RYR2: variants seen among roughly 807,000 people sequenced by gnomAD.
RYR2 encodes the protein ryanodine receptor 2.
In RYR2, 227 loss-of-function variants were observed where a neutral mutation model predicts 601.1. The observed-to-expected ratio is 0.38, with a 90% CI of 0.34 to 0.42. The LOEUF (loss-of-function observed/expected upper bound fraction) is 0.42, where lower values mean the gene tolerates loss of function less well. Ranked by LOEUF, RYR2 falls within the 10% of genes least tolerant of loss-of-function variation. The pLI is 1.00. For synonymous variants in RYR2, 2,223 were observed against 2,175.1 expected (o/e 1.02, Z -0.61); for missense variants, 4,646 against 6,156.5 (o/e 0.75, Z 8.21).
At chr1:237,128,168 C>T (rs1051804349) in intron 1 of RYR2, among the ~76,000 whole-genome samples, 8 of 152,302 alleles carry the variant, frequency 5.3e-5, no homozygotes, top group Admixed American at 2.0e-4. Context: ...GGATCACTTG[C>T]GGTTAGGGGC....
Position 237,610,060 on chromosome 1 carries a change from A to G in RYR2, c.4684-702A>G, listed in dbSNP as rs934134678. ...AGAAGATAATGCAGAAATATGAGAT[A>G]ATGGTTTTCTTATGGTCCCATAAGA... On this transcript the variant is annotated intron_variant, in intron 35 of 104. Coordinates refer to ENST00000366574, the MANE Select transcript of RYR2 (RefSeq NM_001035.3). This position sits in a 1 kb window ranked among gnomAD's most constrained non-coding sequence, Gnocchi z 4.9. 5.3e-5 allele frequency among the ~76,000 whole-genome samples: 8 copies of G among 152,046 alleles called. No individual in the cohort carries two copies. The highest frequency in any genetic ancestry group is 8.8e-5 in the Non-Finnish European group (6 of 68,028).
chr1:237,720,809 G>A (rs1347477054), intron 73 of RYR2, among the ~76,000 whole-genome samples: 2 of 152,142 alleles, frequency 1.3e-5, no homozygotes, highest in Non-Finnish European at 2.9e-5. Context: ...TCAAATAAAG[G>A]TGGTTATGAT....
At chr1:237,693,652 G>A (rs1687142491) in intron 63 of RYR2, among the ~76,000 whole-genome samples, 1 of 152,156 alleles carries the variant, frequency 6.6e-6, no homozygotes, top group Non-Finnish European at 1.5e-5. Context: ...ATATTATTAT[G>A]TGTTTAACAT....
chr1:237,500,881 G>A lies in RYR2; in HGVS notation c.2374G>A (p.Val792Ile), dbSNP rs764485892. The A allele has an allele frequency of 1.1e-5, 18 of 1,613,860 alleles. No individual in the cohort carries two copies. The Middle Eastern group carries it at 4.9e-4, about 44-fold the overall frequency. ...CATCGATGGCCTCTTCTTTCCAGTC[G>A]TTAGTTTCTCTGCAGGAATAAAGTT... The part of the protein sequence containing the change: ...FNIDGLFFPV[V>I]SFSAGIKVRF... The change falls in exon 21 of 105, where the codon GTT becomes ATT. Residue 792 changes from valine (V) to isoleucine (I), a missense_variant. By Grantham distance (29) the Val-to-Ile change is conservative. Transcript: ENST00000366574.
intron 21 of RYR2, among the ~76,000 whole-genome samples, chr1:237,502,125 C>A (rs1664704072): frequency 6.6e-6 from 1 of 151,990 alleles, no homozygotes; most frequent in Admixed American, 6.6e-5. Context: ...GTCACTGCAC[C>A]CCTGCCTGAA....
chr1:237,495,581 T>G (rs1257692085), intron 19 of RYR2, among the ~76,000 whole-genome samples: 1 of 152,256 alleles, frequency 6.6e-6, no homozygotes, highest in Non-Finnish European at 1.5e-5. Context: ...ACCTGCCGTT[T>G]ATGAGTGATA....
chr1:237,561,526 T>A (rs1388524388), intron 27 of RYR2, among the ~76,000 whole-genome samples: 1 of 152,152 alleles, frequency 6.6e-6, no homozygotes, highest in Non-Finnish European at 1.5e-5. Context: ...AGAAAGGCCA[T>A]CGCTACTAGA....
intron 24 of RYR2, among the ~76,000 whole-genome samples, chr1:237,521,116 A>T (rs1171356525): frequency 1.3e-5 from 2 of 152,122 alleles, no homozygotes; most frequent in Non-Finnish European, 2.9e-5. Context: ...CAGATGAATT[A>T]TACCTAACAT....
At chr1:237,492,932 TG>T in intron 18 of RYR2, 21 bp from the exon 19 acceptor site, 6 of 1,550,004 alleles carry the variant, frequency 3.9e-6, no homozygotes, top group Non-Finnish European at 5.2e-6. Flanking sequence ...GAGGATCAGC[TG>T]AAAGTAATTT....
chr1:237,659,484 A>G (rs1399203348), intron 54 of RYR2, among the ~76,000 whole-genome samples: 1 of 152,180 alleles, frequency 6.6e-6, no homozygotes, highest in Non-Finnish European at 1.5e-5. Context: ...AAGAATGGGT[A>G]AAACAGGTGG....
At chr1:237,662,655 C>T (rs987243240) in intron 56 of RYR2, among the ~76,000 whole-genome samples, 2 of 152,152 alleles carry the variant, frequency 1.3e-5, no homozygotes, top group African/African-American at 4.8e-5. Context: ...ACTCCTCTTT[C>T]TCTTTCTCCT....
intron 50 of RYR2, 70 bp downstream of exon 50, chr1:237,650,167 A>G (rs1200687577): frequency 1.4e-6 from 2 of 1,380,528 alleles, no homozygotes. Context: ...GCCTTTGACA[A>G]ATTATTTAGA....
chr1:237,296,254 G>A (rs1230311744), intron 2 of RYR2, among the ~76,000 whole-genome samples: 1 of 152,116 alleles, frequency 6.6e-6, no homozygotes, highest in Admixed American at 6.6e-5. Context: ...TGATTTTCAG[G>A]GACTTTGAAA....
chr1:237,756,987 A>G (rs1223871050), intron 81 of RYR2, among the ~76,000 whole-genome samples: 1 of 152,244 alleles, frequency 6.6e-6, no homozygotes, highest in African/African-American at 2.4e-5. Flanking sequence ...CTCAGTAGCC[A>G]GCTGTTTCAA....
chr1:237,754,020 A>C (rs1401424911), intron 80 of RYR2, among the ~76,000 whole-genome samples: 2 of 152,032 alleles, frequency 1.3e-5, no homozygotes, highest in African/African-American at 4.8e-5. Flanking sequence ...GGAAAGAAAT[A>C]ATATTAAAGA....
At chr1:237,832,054 A>G (rs1244017909) in intron 104 of RYR2, among the ~76,000 whole-genome samples, 2 of 152,018 alleles carry the variant, frequency 1.3e-5, no homozygotes, top group Non-Finnish European at 2.9e-5. Flanking sequence ...ACACACACAT[A>G]TATTTTTTGA....
At position 237,566,681 on chromosome 1, in the gene RYR2, C is replaced by T; in HGVS notation, c.3329C>T (p.Ala1110Val). ...TATTTTGAATTTGAGACGGTCACTG[C>T]TGGAGACATGAGGGTTGGTTGGAGT... ...RWYFEFETVT[A>V]GDMRVGWSRP... The change falls in exon 28 of 105, where the codon GCT (alanine) becomes GTT (valine). Residue 1110 changes from alanine (A) to valine (V), a missense_variant. Physicochemically the swap from Ala to Val is moderately conservative, Grantham distance 64 (BLOSUM62 0). Coordinates refer to ENST00000366574, the MANE Select transcript of RYR2 (RefSeq NM_001035.3). The T allele has an allele frequency of 1.2e-6, 2 of 1,613,968 alleles. No individual in the cohort carries two copies. The highest frequency in any genetic ancestry group is 1.7e-6 in the Non-Finnish European group (2 of 1,179,878).
intron 1 of RYR2, among the ~76,000 whole-genome samples, chr1:237,061,551 C>T (rs1662896275): frequency 5.3e-5 from 8 of 152,182 alleles, no homozygotes; most frequent in Admixed American, 5.2e-4. Context: ...GCTTCAAGTG[C>T]TCCTTCCAAA....
intron 1 of RYR2, among the ~76,000 whole-genome samples, chr1:237,262,879 A>C (rs1180879047): frequency 6.6e-6 from 1 of 152,176 alleles, no homozygotes; most frequent in Non-Finnish European, 1.5e-5. Flanking sequence ...GAGTTTAGGG[A>C]AAATACTTGG....
Sources: gnomAD v4.1 joint callset for allele counts (sites outside exome capture counted in the v4.1 genomes callset) on GRCh38, gnomAD v4.1.1 for gene constraint, Gnocchi (gnomAD v3.1) non-coding constraint, MANE v1.5 for transcripts, NCBI Gene and HGNC (gene_info 2026-07-23, HGNC 2026-07-21) for gene names.